CREB3L1: variants seen among roughly 807,000 people sequenced by gnomAD.
The protein encoded by CREB3L1 is cAMP responsive element binding protein 3 like 1.
In CREB3L1, 33 loss-of-function variants were observed where a neutral mutation model predicts 54.5. The observed-to-expected ratio is 0.61, with a 90% CI of 0.46 to 0.81. The LOEUF is 0.81. CREB3L1 is among the 30% of genes least tolerant of loss of function. The pLI, the probability that CREB3L1 is intolerant of heterozygous loss-of-function variation, is 0.00. For missense variants in CREB3L1, 656 were observed against 673.3 expected (o/e 0.97, Z 0.29); for synonymous variants, 284 against 286.4 (o/e 0.99, Z 0.08).
At chr11:46,291,024 G>A (rs1939122270) in intron 1 of CREB3L1, among the ~76,000 whole-genome samples, 2 of 152,098 alleles carry the variant, frequency 1.3e-5, no homozygotes, top group African/African-American at 4.8e-5. Flanking sequence ...GAGCAAGAAA[G>A]AGGCCCCTGG....
intron 1 of CREB3L1, among the ~76,000 whole-genome samples, chr11:46,296,482 G>A (rs1450714880): frequency 1.3e-5 from 2 of 152,148 alleles, no homozygotes; most frequent in African/African-American, 4.8e-5. Flanking sequence ...GGGGGGGAAC[G>A]AGGGGCAGGG....
chr11:46,318,854 G>A (rs113713596), intron 10 of CREB3L1, among the ~76,000 whole-genome samples: 42 of 152,290 alleles, frequency 2.8e-4, no homozygotes, highest in Admixed American at 2.0e-3. Flanking sequence ...TGAGCTAGAC[G>A]TTGAGGGCCT....
intron 1 of CREB3L1, among the ~76,000 whole-genome samples, chr11:46,281,537 GT>G (rs1032981906): frequency 6.6e-6 from 1 of 152,252 alleles, no homozygotes; most frequent in Non-Finnish European, 1.5e-5. Context: ...CTGCAAGGAT[GT>G]TTGCCCAGCA....
At chr11:46,309,039 G>A (rs1448474808) in intron 3 of CREB3L1, among the ~76,000 whole-genome samples, 1 of 152,204 alleles carries the variant, frequency 6.6e-6, no homozygotes, top group Non-Finnish European at 1.5e-5. Flanking sequence ...CGGCCTGCCA[G>A]ACCCTGAAGC....
chr11:46,299,931 C>CT lies in CREB3L1; in HGVS notation c.103-3dup. ...CCTCTTCCCCTCACCTCTTCCTTCC[C>CT]TAGCACTTTCCTGAGCACCTGGACC... On this transcript the variant is annotated splice_polypyrimidine_tract_variant and splice_region_variant and intron_variant, in intron 1 of 11. Transcript: ENST00000621158. 1 of 1,611,554 alleles carries CT rather than the reference C, an allele frequency of 6.2e-7. No individual in the cohort carries two copies. The highest frequency in any genetic ancestry group is 8.5e-7 in the Non-Finnish European group (1 of 1,177,760).
chr11:46,320,264 T>A lies in CREB3L1; in HGVS notation c.1259T>A (p.Met420Lys). 6.3e-7 allele frequency: 1 copy of A among 1,597,600 alleles called. No individual in the cohort carries two copies. Among genetic ancestry groups the A allele is most frequent in the Admixed American group, 1.7e-5 (1 of 57,710 alleles). Residue 420 changes from methionine (M) to lysine (K), a missense_variant and splice_region_variant, in exon 11 of 12, where the codon ATG becomes AAG. Coordinates refer to ENST00000621158, the MANE Select transcript of CREB3L1 (RefSeq NM_052854.4). ...AADGVYTASQ[M>K]PSRSLLFYDD... is the part of the protein sequence containing the mutation. Reference sequence around the variant, plus strand: ...CGCTCATCCTACACTCCCTCTCCAGTGCCCTCCCGAAGCCTCCTATTCTAC... The same window carrying A: ...CGCTCATCCTACACTCCCTCTCCAGAGCCCTCCCGAAGCCTCCTATTCTAC...
chr11:46,296,758 C>T (rs1271300484), intron 1 of CREB3L1, among the ~76,000 whole-genome samples: 1 of 152,178 alleles, frequency 6.6e-6, no homozygotes, highest in East Asian at 1.9e-4. Flanking sequence ...CCCGCCTGCC[C>T]CTTGGCCGCC....
chr11:46,317,508 C>A (rs1312347283), intron 10 of CREB3L1, 21 bp downstream of exon 10: 3 of 1,605,036 alleles, frequency 1.9e-6, no homozygotes, highest in Non-Finnish European at 2.5e-6. Flanking sequence ...GCCTGTCATG[C>A]CAGCTCCCTG....
chr11:46,301,127 C>A (rs1318207885), intron 2 of CREB3L1, among the ~76,000 whole-genome samples: 1 of 150,926 alleles, frequency 6.6e-6, no homozygotes. Flanking sequence ...TTGCCGTGAG[C>A]CATTGCACTC....
At chr11:46,312,564 G>A (rs1479501978) in intron 6 of CREB3L1, 48 bp from the exon 7 acceptor site, 1 of 1,608,064 alleles carries the variant, frequency 6.2e-7, no homozygotes, top group Middle Eastern at 1.7e-4. Context: ...GGCCCAGGAA[G>A]TGAATATGTG....
At chr11:46,315,478 G>A (rs1939554064) in intron 8 of CREB3L1, 1 of 207,860 alleles carries the variant, frequency 4.8e-6, no homozygotes, top group Non-Finnish European at 9.8e-6. Context: ...AGTTAATAAA[G>A]GAGACTGATG....
At position 46,317,401 on chromosome 11, in the gene CREB3L1, T is replaced by C. The variant is rs376774084; in HGVS notation, c.1172T>C (p.Val391Ala). 10 of 1,613,750 alleles carry C rather than the reference T, an allele frequency of 6.2e-6. No individual in the cohort carries two copies. The African/African-American group carries it at 9.3e-5, about 15-fold the overall frequency. ...LCFVLVLGSLVPCLPEFSSGS... is the reference protein window; with the variant it reads ...LCFVLVLGSLAPCLPEFSSGS... ...TTTGTTCTGGTGCTGGGCTCCCTCG[T>C]GCCCTGCCTTCCCGAGTTCTCCTCC... Residue 391 changes from valine (V) to alanine (A), a missense_variant, in exon 10 of 12, where the codon GTG becomes GCG. Val to Ala is a moderately conservative substitution (Grantham distance 64). Around this residue, in one of 3 missense-constraint regions of CREB3L1, gnomAD observed 240 missense variants for 219.8 expected, o/e 1.09. Coordinates refer to ENST00000621158, the MANE Select transcript of CREB3L1 (RefSeq NM_052854.4).
At chr11:46,289,371 C>A (rs1040058638) in intron 1 of CREB3L1, among the ~76,000 whole-genome samples, 10 of 151,968 alleles carry the variant, frequency 6.6e-5, no homozygotes, top group Non-Finnish European at 1.0e-4. Flanking sequence ...AGAGTGAGAC[C>A]CCATCTCCAA....
intron 1 of CREB3L1, among the ~76,000 whole-genome samples, chr11:46,296,738 C>T (rs894052170): frequency 6.6e-5 from 10 of 152,320 alleles, no homozygotes; most frequent in African/African-American, 2.2e-4. Context: ...GGAGTGTCCT[C>T]CACCCCCACC....
chr11:46,281,370 G>T (rs1938970244), intron 1 of CREB3L1, among the ~76,000 whole-genome samples: 1 of 152,260 alleles, frequency 6.6e-6, no homozygotes, highest in African/African-American at 2.4e-5. Flanking sequence ...CTAGGTCTGT[G>T]TGCTGTCCCC....
At chr11:46,305,247 C>T (rs1040667584) in intron 2 of CREB3L1, among the ~76,000 whole-genome samples, 1 of 152,150 alleles carries the variant, frequency 6.6e-6, no homozygotes, top group African/African-American at 2.4e-5. Context: ...TGATGCCTGC[C>T]AGCCCTATTG....
intron 2 of CREB3L1, among the ~76,000 whole-genome samples, chr11:46,306,877 CTCT>C: frequency 6.7e-6 from 1 of 149,962 alleles, no homozygotes; most frequent in African/African-American, 2.5e-5. Flanking sequence ...GCAATTCTCT[CTCT>C]TTTTTTTTTT....
intron 1 of CREB3L1, among the ~76,000 whole-genome samples, chr11:46,290,754 G>A (rs934340441): frequency 3.3e-5 from 5 of 151,878 alleles, no homozygotes; most frequent in Admixed American, 6.6e-5. Context: ...GGGGGTGGGC[G>A]GAGGCAGAGC....
chr11:46,312,921 T>C lies in CREB3L1; in HGVS notation c.1031+2T>C, dbSNP rs763665583. 6.3e-7 allele frequency: 1 copy of C among 1,578,116 alleles called. No individual in the cohort carries two copies. Among genetic ancestry groups the C allele is most frequent in the Non-Finnish European group, 8.6e-7 (1 of 1,162,158 alleles). On this transcript the variant is annotated splice_donor_variant, in intron 8 of 11. Transcript: ENST00000621158. LOFTEE classifies it high-confidence loss of function. Reference sequence around the variant, plus strand: ...GGAGACCCTGGAGAATGCCAACAGGTGGGTAGTGCCTCCTGCATCCAACCT... The same window carrying C: ...GGAGACCCTGGAGAATGCCAACAGGCGGGTAGTGCCTCCTGCATCCAACCT...
Sources: allele counts gnomAD v4.1 joint callset (sites outside exome capture counted in the v4.1 genomes callset), GRCh38; gene constraint gnomAD v4.1.1; regional missense constraint gnomAD v4.1.1; transcripts MANE v1.5; gene names NCBI Gene and HGNC (gene_info 2026-07-23, HGNC 2026-07-21).